The following PARP15 variants were observed in gnomAD, a reference collection of about 807,000 sequenced individuals.
The protein encoded by PARP15 is poly(ADP-ribose) polymerase family member 15.
PARP15 carries 50 observed loss-of-function variants against 62.1 expected under a neutral mutation model. That is an observed-to-expected ratio of 0.81 (90% confidence interval 0.64 to 1.02). The LOEUF (loss-of-function observed/expected upper bound fraction) is 1.02. PARP15 is among the 50% of genes least tolerant of loss of function. The pLI is 0.00. For synonymous variants in PARP15, 309 were observed against 293.1 expected (o/e 1.05, Z -0.55); for missense variants, 820 against 826.5 (o/e 0.99, Z 0.10).
At chr3:122,626,284 C>T (rs9857694) in intron 8 of PARP15, among the ~76,000 whole-genome samples, 22,796 of 150,694 alleles carry the variant, frequency 0.15, 2,147 homozygotes, top group East Asian at 0.47. Context: ...CTGCAAGCTC[C>T]GCCTCCCAGG....
intron 3 of PARP15, 102 bp from the exon 4 acceptor site, chr3:122,612,939 C>T (rs1324031636): frequency 2.0e-6 from 2 of 1,022,370 alleles, no homozygotes; most frequent in Admixed American, 2.1e-5. Flanking sequence ...ACTAAGCCAA[C>T]AATAGCAGAG....
intron 1 of PARP15, among the ~76,000 whole-genome samples, chr3:122,583,114 CT>C (rs67942585): frequency 0.025 from 2,072 of 83,198 alleles, 3 homozygotes; most frequent in African/African-American, 0.04. Context: ...TCATCTGTAT[CT>C]TTTTTTTTTT....
chr3:122,615,882 G>A (rs776125818), intron 5 of PARP15, 25 bp downstream of exon 5: 2 of 1,590,804 alleles, frequency 1.3e-6, no homozygotes, highest in South Asian at 2.2e-5. Flanking sequence ...TTCTGCTAAG[G>A]AAATATTTCC....
intron 10 of PARP15, among the ~76,000 whole-genome samples, chr3:122,634,117 G>A (rs936566821): frequency 6.6e-6 from 1 of 152,050 alleles, no homozygotes; most frequent in African/African-American, 2.4e-5. Context: ...AGCTGCCCAG[G>A]TACTCACTCC....
chr3:122,634,356 C>T (rs1001273869), intron 10 of PARP15, among the ~76,000 whole-genome samples: 2 of 152,156 alleles, frequency 1.3e-5, no homozygotes, highest in African/African-American at 2.4e-5. Flanking sequence ...AGAGACCCAA[C>T]ACAAACTTGA....
chr3:122,577,912 C>T, intron 1 of PARP15, 59 bp downstream of exon 1: 1 of 1,455,254 alleles, frequency 6.9e-7, no homozygotes, highest in Non-Finnish European at 9.1e-7. Flanking sequence ...CTGGGGCCCG[C>T]AAGACCCAGC....
intron 1 of PARP15, among the ~76,000 whole-genome samples, chr3:122,602,304 C>T (rs781297002): frequency 2.6e-5 from 4 of 152,096 alleles, no homozygotes; most frequent in African/African-American, 4.8e-5. Flanking sequence ...TCAGATGGTA[C>T]GTAGACAATA....
Position 122,639,020 on chromosome 3 carries a change from C to T in PARP15, c.*2920C>T, listed in dbSNP as rs1937493681. ...TCTTGCAGTGTATCATTTTCCTCGT[C>T]ATTAAATATTTTACGTATCATTTTT... On this transcript the variant is annotated 3_prime_UTR_variant, in exon 12 of 12. Transcript: ENST00000464300. The T allele has an allele frequency of 6.6e-6, 1 of 152,126 alleles. No individual in the cohort carries two copies. The highest frequency in any genetic ancestry group is 2.1e-4 in the South Asian group (1 of 4,830). 9.4% of individuals were successfully genotyped at this position (152,126 alleles called of 1,614,324 possible). A position where few individuals can be genotyped will look rare whatever the true frequency, so the allele number is the denominator to read the frequency against.
Position 122,638,798 on chromosome 3 carries a change from A to T in PARP15, c.*2698A>T, listed in dbSNP as rs1193133802. On this transcript the variant is annotated 3_prime_UTR_variant, in exon 12 of 12. Coordinates refer to ENST00000464300, the MANE Select transcript of PARP15 (RefSeq NM_001113523.3). ...TTCTTTTGTTGTACAGAAGCTCTTT[A>T]GTTTAATTAGATCCCATATTTCTAC... 6.6e-6 allele frequency: 1 copy of T among 152,076 alleles called. No homozygotes were observed. The highest frequency in any genetic ancestry group is 1.5e-5 in the Non-Finnish European group (1 of 68,010). The allele number at this position is 152,076 out of a possible 1,614,324, so 9.4% of individuals were successfully genotyped here.
At chr3:122,626,146 G>A (rs938489934) in intron 8 of PARP15, among the ~76,000 whole-genome samples, 1 of 151,858 alleles carries the variant, frequency 6.6e-6, no homozygotes, top group African/African-American at 2.4e-5. Flanking sequence ...TAGAAGGAAG[G>A]AGGATGCATT....
chr3:122,614,699 G>A (rs571220291), intron 4 of PARP15, among the ~76,000 whole-genome samples: 3 of 152,200 alleles, frequency 2.0e-5, no homozygotes, highest in African/African-American at 7.2e-5. Flanking sequence ...GTAGCAATCT[G>A]GAAAGTAACT....
intron 1 of PARP15, among the ~76,000 whole-genome samples, chr3:122,579,551 G>A (rs966275834): frequency 6.6e-6 from 1 of 152,146 alleles, no homozygotes; most frequent in African/African-American, 2.4e-5. Flanking sequence ...GTTCCAGAAC[G>A]TCATGTACAT....
chr3:122,627,389 A>G (rs1053565976), intron 9 of PARP15, among the ~76,000 whole-genome samples: 14 of 152,154 alleles, frequency 9.2e-5, no homozygotes, highest in African/African-American at 3.4e-4. Context: ...GCTGATTAAT[A>G]TTGGTCTGCT....
At chr3:122,581,260 T>C (rs548512958) in intron 1 of PARP15, among the ~76,000 whole-genome samples, 1 of 152,330 alleles carries the variant, frequency 6.6e-6, no homozygotes, top group African/African-American at 2.4e-5. Flanking sequence ...GGTAATCCTA[T>C]TTTTAATTTT....
At chr3:122,610,774 G>T in intron 3 of PARP15, 44 bp downstream of exon 3, 1 of 1,446,906 alleles carries the variant, frequency 6.9e-7, no homozygotes, top group Non-Finnish European at 9.2e-7. Context: ...GTGGCTTTGG[G>T]AATCTCCTTC....
chr3:122,612,969 T>C (rs1378701054), intron 3 of PARP15, 72 bp from the exon 4 acceptor site: 1 of 1,325,810 alleles, frequency 7.5e-7, no homozygotes, highest in Non-Finnish European at 1.1e-6. Flanking sequence ...TCAGAGTTGC[T>C]GGGACCACAA....
chr3:122,588,631 C>T (rs1446758213), intron 1 of PARP15, among the ~76,000 whole-genome samples: 1 of 151,998 alleles, frequency 6.6e-6, no homozygotes, highest in African/African-American at 2.4e-5. Context: ...GCACTCCAGC[C>T]TGGGTGACAG....
intron 1 of PARP15, among the ~76,000 whole-genome samples, chr3:122,603,855 C>T (rs1488267102): frequency 2.0e-5 from 3 of 152,044 alleles, no homozygotes; most frequent in African/African-American, 7.2e-5. Flanking sequence ...TAATCAAAGA[C>T]AATTTTAAAC....
intron 2 of PARP15, among the ~76,000 whole-genome samples, chr3:122,608,435 C>T (rs1374660887): frequency 6.6e-6 from 1 of 151,968 alleles, no homozygotes; most frequent in Non-Finnish European, 1.5e-5. Context: ...AGGCTGGTCT[C>T]GAACTCCTGA....
Sources: allele counts gnomAD v4.1 joint callset (sites outside exome capture counted in the v4.1 genomes callset), GRCh38; gene constraint gnomAD v4.1.1; transcripts MANE v1.5; gene names NCBI Gene and HGNC (gene_info 2026-07-23, HGNC 2026-07-21).